The following SH3GL2 variants were observed in gnomAD, a reference collection of about 807,000 sequenced individuals.
SH3GL2 encodes the protein SH3 domain containing GRB2 like 2, endophilin A1, also known as endophilin-A1.
SH3GL2 carries 24 observed loss-of-function variants against 46.0 expected under a neutral mutation model. The ratio of observed to expected loss-of-function variants is 0.52; its 90% confidence interval spans 0.38 to 0.73. The LOEUF is 0.73. Ranked by LOEUF, SH3GL2 falls within the 30% of genes least tolerant of loss-of-function variation. The pLI is 0.00. For missense variants in SH3GL2, 413 were observed against 424.2 expected, an observed-to-expected ratio of 0.97 and a Z score of 0.23; for synonymous variants, 196 against 147.1, an observed-to-expected ratio of 1.33 and a Z score of -2.40.
chr9:17,713,097 G>T, intron 1 of SH3GL2, among the ~76,000 whole-genome samples: 1 of 150,812 alleles, frequency 6.6e-6, no homozygotes. Flanking sequence ...ATCAAAAGTA[G>T]ATGTTAGATT....
intron 1 of SH3GL2, among the ~76,000 whole-genome samples, chr9:17,662,983 G>A (rs1364614702): frequency 1.3e-5 from 2 of 152,172 alleles, no homozygotes; most frequent in Admixed American, 6.5e-5. Context: ...GATTAGAGGC[G>A]TGAGCCACCG....
At chr9:17,669,626 T>TGCGC (rs1820423997) in intron 1 of SH3GL2, among the ~76,000 whole-genome samples, 1 of 152,208 alleles carries the variant, frequency 6.6e-6, no homozygotes, top group African/African-American at 2.4e-5. Flanking sequence ...TAGTGTATGG[T>TGCGC]ATGGATGGAC....
intron 1 of SH3GL2, among the ~76,000 whole-genome samples, chr9:17,680,427 A>G (rs896186780): frequency 7.9e-5 from 12 of 152,168 alleles, no homozygotes; most frequent in East Asian, 3.9e-4. Context: ...AGAGGTGTTT[A>G]TAGTATTCTC....
At chr9:17,635,710 G>A (rs1819527563) in intron 1 of SH3GL2, among the ~76,000 whole-genome samples, 1 of 152,172 alleles carries the variant, frequency 6.6e-6, no homozygotes. Flanking sequence ...AATCTGGCTG[G>A]TCTATGTTAT....
intron 3 of SH3GL2, among the ~76,000 whole-genome samples, chr9:17,770,459 C>T (rs1357389289): frequency 1.3e-5 from 2 of 152,150 alleles, no homozygotes; most frequent in South Asian, 4.1e-4. Context: ...GGCAAGTGTA[C>T]TCTAGGGTGA....
At chr9:17,745,904 C>T (rs1588296180) in intron 1 of SH3GL2, among the ~76,000 whole-genome samples, 1 of 152,012 alleles carries the variant, frequency 6.6e-6, no homozygotes, top group Admixed American at 6.6e-5. Context: ...AATACAGTGA[C>T]AACTTAGGGA....
At chr9:17,643,869 C>G (rs758547370) in intron 1 of SH3GL2, among the ~76,000 whole-genome samples, 2 of 152,178 alleles carry the variant, frequency 1.3e-5, no homozygotes, top group Non-Finnish European at 2.9e-5. Flanking sequence ...AGAGGAGTCC[C>G]TCTTTTTCTG....
intron 1 of SH3GL2, among the ~76,000 whole-genome samples, chr9:17,580,154 C>T (rs1408322816): frequency 6.6e-6 from 1 of 152,140 alleles, no homozygotes; most frequent in Non-Finnish European, 1.5e-5. Context: ...ACGCTGTGAC[C>T]TATTTCTTAC....
chr9:17,738,775 G>A (rs1378940865), intron 1 of SH3GL2, among the ~76,000 whole-genome samples: 1 of 151,824 alleles, frequency 6.6e-6, no homozygotes, highest in Non-Finnish European at 1.5e-5. Context: ...AGAAGCTGAT[G>A]CTTCAGTCTA....
intron 1 of SH3GL2, among the ~76,000 whole-genome samples, chr9:17,707,050 C>T (rs1588260153): frequency 6.6e-6 from 1 of 152,004 alleles, no homozygotes; most frequent in Non-Finnish European, 1.5e-5. Context: ...CCAATCCTTG[C>T]TTAACCCATG....
chr9:17,781,558 C>G (rs748104148), intron 3 of SH3GL2, among the ~76,000 whole-genome samples: 3 of 152,118 alleles, frequency 2.0e-5, no homozygotes, highest in Non-Finnish European at 2.9e-5. Flanking sequence ...GTACACATTT[C>G]TGATGGATAT....
At chr9:17,687,781 C>G (rs368564885) in intron 1 of SH3GL2, among the ~76,000 whole-genome samples, 209 of 152,044 alleles carry the variant, frequency 1.4e-3, no homozygotes, top group African/African-American at 4.7e-3. Flanking sequence ...CAGAGAGAAA[C>G]AATGATGGAT....
chr9:17,614,940 C>T (rs1249779412), intron 1 of SH3GL2, among the ~76,000 whole-genome samples: 3 of 152,182 alleles, frequency 2.0e-5, no homozygotes, highest in East Asian at 1.9e-4. Flanking sequence ...ACAGCATTTC[C>T]AGGTATAGGG....
At chr9:17,732,917 GT>G (rs1399507743) in intron 1 of SH3GL2, among the ~76,000 whole-genome samples, 12 of 152,068 alleles carry the variant, frequency 7.9e-5, no homozygotes, top group Non-Finnish European at 1.0e-4. Context: ...GTTTGAGTGG[GT>G]TTGGAATCAG....
At chr9:17,794,054 C>T (rs1218676951) in intron 8 of SH3GL2, among the ~76,000 whole-genome samples, 1 of 152,226 alleles carries the variant, frequency 6.6e-6, no homozygotes, top group Non-Finnish European at 1.5e-5. Context: ...CCTTCCCATG[C>T]CTCACCTCTG....
At chr9:17,739,584 A>G (rs1306441499) in intron 1 of SH3GL2, among the ~76,000 whole-genome samples, 1 of 149,464 alleles carries the variant, frequency 6.7e-6, no homozygotes, top group Admixed American at 6.7e-5. Flanking sequence ...ATGATGAACT[A>G]AATTATTTGG....
intron 8 of SH3GL2, 150 bp from the exon 9 acceptor site, chr9:17,795,394 A>G (rs1824246328): frequency 3.2e-6 from 2 of 629,984 alleles, no homozygotes; most frequent in African/African-American, 3.7e-5. Context: ...ACTAAGGTCC[A>G]GTAGCAAGAA....
chr9:17,688,891 T>G (rs1820996070), intron 1 of SH3GL2, among the ~76,000 whole-genome samples: 1 of 152,020 alleles, frequency 6.6e-6, no homozygotes, highest in Admixed American at 6.6e-5. Context: ...GAATTGCAAA[T>G]TATGCACTCT....
chr9:17,613,070 G>C (rs1818905418), intron 1 of SH3GL2, among the ~76,000 whole-genome samples: 1 of 152,110 alleles, frequency 6.6e-6, no homozygotes, highest in African/African-American at 2.4e-5. Flanking sequence ...AGAATACAGA[G>C]ATTCACCTTT....
Sources: allele counts gnomAD v4.1 joint callset (sites outside exome capture counted in the v4.1 genomes callset), GRCh38; gene constraint gnomAD v4.1.1; transcripts MANE v1.5; gene names NCBI Gene and HGNC (gene_info 2026-07-23, HGNC 2026-07-21).